Variants in SF3A1 observed in about 807,000 individuals in gnomAD.
SF3A1 encodes splicing factor 3a subunit 1, also known as SAP 114.
SF3A1 carries 13 observed loss-of-function variants against 89.9 expected under a neutral mutation model. The observed-to-expected ratio is 0.14, with a 90% CI of 0.09 to 0.23. SF3A1 has a LOEUF of 0.23. SF3A1 is among the 10% of genes least tolerant of loss of function. The pLI is 1.00. For synonymous variants in SF3A1, 405 were observed against 374.4 expected (o/e 1.08, Z -0.94); for missense variants, 604 against 1,022.1 (o/e 0.59, Z 5.58).
intron 13 of SF3A1, 59 bp downstream of exon 13, chr22:30,336,967 A>T: frequency 6.2e-7 from 1 of 1,603,650 alleles, no homozygotes; most frequent in Non-Finnish European, 8.5e-7. Context: ...CAAGTGTACG[A>T]CAGGGGCGGG....
At chr22:30,354,090 C>T (rs970907494) in intron 1 of SF3A1, among the ~76,000 whole-genome samples, 3 of 152,222 alleles carry the variant, frequency 2.0e-5, no homozygotes, top group Non-Finnish European at 4.4e-5. Context: ...CACTGGAAGG[C>T]TCAGCACTAA....
At chr22:30,352,229 A>G (rs10427610) in intron 2 of SF3A1, among the ~76,000 whole-genome samples, 129,958 of 148,754 alleles carry the variant, frequency 0.87, 57,031 homozygotes, top group African/African-American at 0.96. Context: ...GGAGGAACTC[A>G]GAGCAATACC....
At chr22:30,343,000 C>T in intron 4 of SF3A1, 121 bp from the exon 5 acceptor site, 1 of 622,116 alleles carries the variant, frequency 1.6e-6, no homozygotes, top group Admixed American at 2.8e-5. Flanking sequence ...GTGTCCCAAT[C>T]CCAGCTCCAC....
Position 30,333,791 on chromosome 22 carries a change from T to C in SF3A1, c.*803A>G, listed in dbSNP as rs1981645012. On this transcript the variant is annotated 3_prime_UTR_variant, in exon 16 of 16. Coordinates refer to ENST00000215793, the MANE Select transcript of SF3A1 (RefSeq NM_005877.6). ...ATTAAGTATTTGTTAAATACATACA[T>C]TTTAAAGAAACGTCATCATATCCAC... 1 of 152,234 alleles carries C rather than the reference T, an allele frequency of 6.6e-6. No individual in the cohort carries two copies. The highest frequency in any genetic ancestry group is 2.4e-5 in the African/African-American group (1 of 41,468). 9.4% of individuals were successfully genotyped at this position (152,234 alleles called of 1,614,324 possible). A position where few individuals can be genotyped will look rare whatever the true frequency, so the allele number is the denominator to read the frequency against.
chr22:30,356,387 T>C (rs1931843131), intron 1 of SF3A1, among the ~76,000 whole-genome samples: 1 of 152,236 alleles, frequency 6.6e-6, no homozygotes. Flanking sequence ...CTACATAAGA[T>C]CAGAGGATGG....
rs36085017 is a variant in SF3A1, at chr22:30,341,869, G to C, written c.894C>G (p.Pro298=). Residue 298 remains proline (P), a synonymous_variant, in exon 7 of 16, where the codon CCC becomes CCG. Coordinates refer to ENST00000215793, the MANE Select transcript of SF3A1 (RefSeq NM_005877.6). ...GGGCCCCCAGCTCCTCTGGCGTGGT[G>C]GGGGGAGGGAAGTTCCCTAGAGGGT... The part of the protein sequence containing the change: ...QPNEQGNFPP[P]TTPEELGARI... The C allele has an allele frequency of 2.5e-5, 40 of 1,612,608 alleles. No homozygotes were observed. The South Asian group carries it at 3.2e-4, about 13-fold the overall frequency.
chr22:30,354,711 T>A (rs954865854), intron 1 of SF3A1, among the ~76,000 whole-genome samples: 4 of 152,202 alleles, frequency 2.6e-5, no homozygotes, highest in African/African-American at 9.7e-5. Context: ...CAGTCACCCA[T>A]GCCAGAAAGT....
chr22:30,339,882 G>C (rs1448787510), intron 9 of SF3A1, among the ~76,000 whole-genome samples: 3 of 152,234 alleles, frequency 2.0e-5, no homozygotes, highest in African/African-American at 7.2e-5. Context: ...CACAGTTCCT[G>C]CCCCATTCCA....
rs575292470 is a variant in SF3A1 at position 30,343,265 on chromosome 22, G to A, written c.652-386C>T. On this transcript the variant is annotated intron_variant, in intron 4 of 15. Transcript: ENST00000215793. Reference sequence around the variant, plus strand: ...CCCCCTGACTATCCTATTCAGAACCGCAGCGTACTTGCCCCACCTCCCTCT... The same window carrying A: ...CCCCCTGACTATCCTATTCAGAACCACAGCGTACTTGCCCCACCTCCCTCT... Among the ~76,000 whole-genome samples the A allele has an allele frequency of 1.2e-4, 18 of 152,180 alleles. No homozygotes were observed. The South Asian group carries it at 3.5e-3, about 30-fold the overall frequency.
chr22:30,347,213 C>T (rs1310352299), intron 2 of SF3A1, among the ~76,000 whole-genome samples: 1 of 152,224 alleles, frequency 6.6e-6, no homozygotes, highest in Admixed American at 6.5e-5. Flanking sequence ...GGGAGGATCA[C>T]TTGTGCCCAG....
intron 4 of SF3A1, among the ~76,000 whole-genome samples, chr22:30,343,255 A>G (rs1931319235): frequency 6.6e-6 from 1 of 152,026 alleles, no homozygotes; most frequent in African/African-American, 2.4e-5. Flanking sequence ...TGACTATCCT[A>G]TTCAGAACCG....
chr22:30,355,100 T>C (rs530914327), intron 1 of SF3A1, among the ~76,000 whole-genome samples: 11 of 152,114 alleles, frequency 7.2e-5, no homozygotes, highest in South Asian at 2.1e-4. Flanking sequence ...TCTTGGCTCA[T>C]TGCAACTTCT....
chr22:30,349,254 A>G (rs1318492411), intron 2 of SF3A1, among the ~76,000 whole-genome samples: 1 of 152,230 alleles, frequency 6.6e-6, no homozygotes, highest in African/African-American at 2.4e-5. Flanking sequence ...TCTTTGTTGC[A>G]ATGTAAACGA....
At chr22:30,352,910 T>C (rs749370352) in intron 2 of SF3A1, 41 bp downstream of exon 2, 3 of 1,610,824 alleles carry the variant, frequency 1.9e-6, no homozygotes, top group Middle Eastern at 3.5e-4. Context: ...AGTCTCTTCA[T>C]GCTGAAACCC....
intron 1 of SF3A1, 53 bp downstream of exon 1, chr22:30,356,677 G>C (rs943167440): frequency 5.3e-5 from 71 of 1,342,766 alleles, no homozygotes; most frequent in Admixed American, 8.2e-5. Flanking sequence ...GTGCGAGTAA[G>C]GAGCGCCCAG....
intron 8 of SF3A1, 44 bp from the exon 9 acceptor site, chr22:30,340,425 C>G: frequency 6.3e-7 from 1 of 1,592,074 alleles, no homozygotes; most frequent in South Asian, 1.1e-5. Context: ...GGTGGGCAGC[C>G]ACCTGAGTTA....
At chr22:30,338,754 T>TA in intron 11 of SF3A1, 35 bp downstream of exon 11, 2 of 1,612,720 alleles carry the variant, frequency 1.2e-6, no homozygotes, top group Non-Finnish European at 1.7e-6. Flanking sequence ...AATGAAGCTC[T>TA]AAAAAAGTCA....
chr22:30,338,400 G>T (rs972011774), intron 11 of SF3A1, among the ~76,000 whole-genome samples: 5 of 150,942 alleles, frequency 3.3e-5, no homozygotes, highest in Non-Finnish European at 7.4e-5. Flanking sequence ...GGAGGTTGCG[G>T]TGAGCCAAGA....
chr22:30,341,223 G>C (rs2145808067), intron 7 of SF3A1, among the ~76,000 whole-genome samples: 1 of 152,354 alleles, frequency 6.6e-6, no homozygotes, highest in South Asian at 2.1e-4. Context: ...TTCTCAGGCT[G>C]TGCACAAATT....
Sources: gnomAD v4.1 joint callset for allele counts (sites outside exome capture counted in the v4.1 genomes callset) on GRCh38, gnomAD v4.1.1 for gene constraint, MANE v1.5 for transcripts, NCBI Gene and HGNC (gene_info 2026-07-23, HGNC 2026-07-21) for gene names.